SLC39A11: variants seen among roughly 807,000 people sequenced by gnomAD.
SLC39A11 encodes the protein zinc transporter ZIP11.
In SLC39A11, 33 loss-of-function variants were observed where a neutral mutation model predicts 36.1. That is an observed-to-expected ratio of 0.91 (90% CI 0.69 to 1.22). SLC39A11 has a LOEUF of 1.22. SLC39A11 is among the 50% of genes most tolerant of loss of function. The pLI is 0.00. For missense variants in SLC39A11, 432 were observed against 430.3 expected, an observed-to-expected ratio of 1.00 and a Z score of -0.03; for synonymous variants, 166 against 170.3, an observed-to-expected ratio of 0.97 and a Z score of 0.20.
intron 7 of SLC39A11, among the ~76,000 whole-genome samples, chr17:72,728,390 C>T (rs2074020481): frequency 6.6e-6 from 1 of 151,994 alleles, no homozygotes. Context: ...TGCAGTGAGC[C>T]ATGATTGCAC....
At chr17:73,061,635 C>T (rs919037441) in intron 3 of SLC39A11, among the ~76,000 whole-genome samples, 3 of 152,122 alleles carry the variant, frequency 2.0e-5, no homozygotes, top group Non-Finnish European at 2.9e-5. Flanking sequence ...CAACATTAAG[C>T]GTAGACTCAT....
intron 7 of SLC39A11, among the ~76,000 whole-genome samples, chr17:72,727,170 T>C (rs1346469763): frequency 6.6e-6 from 1 of 152,220 alleles, no homozygotes; most frequent in Admixed American, 6.5e-5. Context: ...CCCTGCTGGT[T>C]TGAATGATGC....
At chr17:72,944,090 C>G (rs1402065011) in intron 5 of SLC39A11, among the ~76,000 whole-genome samples, 1 of 152,152 alleles carries the variant, frequency 6.6e-6, no homozygotes, top group African/African-American at 2.4e-5. Context: ...CCAATCAGAT[C>G]ACACCTCATT....
intron 6 of SLC39A11, among the ~76,000 whole-genome samples, chr17:72,816,389 G>A (rs2077584713): frequency 6.6e-6 from 1 of 151,020 alleles, no homozygotes; most frequent in Admixed American, 6.6e-5. Context: ...TCATTCTCCT[G>A]CCAGGGAAAA....
chr17:72,861,405 T>C (rs1422965726), intron 5 of SLC39A11, among the ~76,000 whole-genome samples: 1 of 152,074 alleles, frequency 6.6e-6, no homozygotes, highest in African/African-American at 2.4e-5. Context: ...GTGTTTTTTA[T>C]TTTTAAATAG....
At chr17:72,792,970 C>T (rs886478865) in intron 6 of SLC39A11, among the ~76,000 whole-genome samples, 1 of 152,174 alleles carries the variant, frequency 6.6e-6, no homozygotes, top group Non-Finnish European at 1.5e-5. Context: ...TCAGGATGCT[C>T]CCTACTGCCG....
At position 72,653,229 on chromosome 17, in the gene SLC39A11, C is replaced by T. The variant is rs750860144; in HGVS notation, c.672-3961G>A. ...AAGCGATTCTCCTGCTTCAGCCTCC[C>T]GAGTAGCTGGGATTACAGGCATGTG... On this transcript the variant is annotated intron_variant, in intron 7 of 9. Coordinates refer to ENST00000255559, the MANE Select transcript of SLC39A11 (RefSeq NM_139177.4). Among the ~76,000 whole-genome samples, 11 of 151,792 alleles carry T rather than the reference C, an allele frequency of 7.2e-5. No homozygotes were observed. The East Asian group carries it at 1.2e-3, about 16-fold the overall frequency.
intron 5 of SLC39A11, among the ~76,000 whole-genome samples, chr17:72,859,139 G>C (rs1043390535): frequency 6.6e-6 from 1 of 152,162 alleles, no homozygotes; most frequent in Non-Finnish European, 1.5e-5. Flanking sequence ...CTTTTCAAAA[G>C]AAGAGGATGT....
At chr17:72,768,330 A>C (rs1407857238) in intron 6 of SLC39A11, among the ~76,000 whole-genome samples, 1 of 152,238 alleles carries the variant, frequency 6.6e-6, no homozygotes, top group African/African-American at 2.4e-5. Flanking sequence ...TGTCTTCTGA[A>C]GTTAGCTCAG....
At chr17:72,656,624 G>A (rs1380742294) in intron 7 of SLC39A11, among the ~76,000 whole-genome samples, 1 of 152,068 alleles carries the variant, frequency 6.6e-6, no homozygotes, top group East Asian at 1.9e-4. Flanking sequence ...GAGCAGCCCT[G>A]ACAGGCCTCT....
At chr17:73,047,150 G>C (rs976912646) in intron 3 of SLC39A11, among the ~76,000 whole-genome samples, 1 of 150,786 alleles carries the variant, frequency 6.6e-6, no homozygotes, top group Non-Finnish European at 1.5e-5. Flanking sequence ...TCAGCCTCCC[G>C]AGTAGCTGGG....
chr17:72,959,799 C>G (rs1169511191), intron 4 of SLC39A11, among the ~76,000 whole-genome samples: 1 of 152,092 alleles, frequency 6.6e-6, no homozygotes, highest in Non-Finnish European at 1.5e-5. Flanking sequence ...CTATTTAAGT[C>G]ACCACTCTCT....
intron 4 of SLC39A11, among the ~76,000 whole-genome samples, chr17:73,011,756 G>T (rs2090534990): frequency 6.7e-6 from 1 of 150,328 alleles, no homozygotes; most frequent in African/African-American, 2.4e-5. Flanking sequence ...TCGCCTCCTA[G>T]GTTCAAGCAA....
chr17:73,089,961 T>C (rs183113706), intron 1 of SLC39A11, among the ~76,000 whole-genome samples: 4 of 152,312 alleles, frequency 2.6e-5, no homozygotes, highest in Non-Finnish European at 5.9e-5. Context: ...AACCCATTTG[T>C]TGAAAAGCCC....
chr17:72,685,980 G>C (rs1023622365), intron 7 of SLC39A11, among the ~76,000 whole-genome samples: 1 of 151,740 alleles, frequency 6.6e-6, no homozygotes, highest in African/African-American at 2.4e-5. Context: ...AGATTGCAGT[G>C]AGCTATGATC....
intron 6 of SLC39A11, among the ~76,000 whole-genome samples, chr17:72,845,637 G>A (rs573040011): frequency 1.1e-4 from 16 of 152,024 alleles, no homozygotes; most frequent in Non-Finnish European, 8.8e-5. Context: ...GATGTTCATC[G>A]ACTATCTCAC....
intron 7 of SLC39A11, among the ~76,000 whole-genome samples, chr17:72,669,391 A>G (rs955965858): frequency 2.0e-5 from 3 of 152,254 alleles, no homozygotes; most frequent in South Asian, 4.2e-4. Context: ...CCTACTTTGC[A>G]ATAATGTTTC....
intron 6 of SLC39A11, among the ~76,000 whole-genome samples, chr17:72,830,329 A>T (rs1235346011): frequency 6.7e-6 from 1 of 149,458 alleles, no homozygotes; most frequent in African/African-American, 2.5e-5. Context: ...ATGACTGTGT[A>T]TTTTTTTTTT....
chr17:72,812,295 C>T (rs1057440916), intron 6 of SLC39A11, among the ~76,000 whole-genome samples: 1 of 152,168 alleles, frequency 6.6e-6, no homozygotes, highest in African/African-American at 2.4e-5. Flanking sequence ...GATTTTCTCC[C>T]AGGGTCAGCT....
Sources: allele counts gnomAD v4.1 joint callset (sites outside exome capture counted in the v4.1 genomes callset), GRCh38; gene constraint gnomAD v4.1.1; transcripts MANE v1.5; gene names NCBI Gene and HGNC (gene_info 2026-07-23, HGNC 2026-07-21).